Variants in LRRFIP2 observed in about 807,000 individuals in gnomAD.
LRRFIP2 encodes leucine-rich repeat flightless-interacting protein 2.
In LRRFIP2, 109 loss-of-function variants were observed where a neutral mutation model predicts 125.9. The ratio of observed to expected loss-of-function variants is 0.87; its 90% confidence interval spans 0.74 to 1.01. LRRFIP2 has a LOEUF of 1.01. LRRFIP2 is among the 50% of genes least tolerant of loss of function. The pLI is 0.00. For synonymous variants in LRRFIP2, 291 were observed against 293.1 expected (o/e 0.99, Z 0.07); for missense variants, 850 against 862.3 (o/e 0.99, Z 0.18).
intron 6 of LRRFIP2, among the ~76,000 whole-genome samples, chr3:37,117,657 G>GT (rs1333208467): frequency 6.6e-6 from 1 of 152,070 alleles, no homozygotes; most frequent in Non-Finnish European, 1.5e-5. Flanking sequence ...AATTTTAACT[G>GT]TCAAACTTGC....
At chr3:37,122,410 C>A (rs2095094343) in intron 4 of LRRFIP2, among the ~76,000 whole-genome samples, 1 of 151,714 alleles carries the variant, frequency 6.6e-6, no homozygotes, top group Non-Finnish European at 1.5e-5. Flanking sequence ...CAAGAGAGTT[C>A]AATATACCAA....
At chr3:37,126,469 C>T (rs1559964208) in intron 4 of LRRFIP2, among the ~76,000 whole-genome samples, 1 of 152,086 alleles carries the variant, frequency 6.6e-6, no homozygotes, top group East Asian at 1.9e-4. Context: ...TAGTCACTAC[C>T]TGAATTTTAA....
intron 1 of LRRFIP2, 125 bp from the exon 2 acceptor site, chr3:37,149,163 A>G (rs2095940435): frequency 1.6e-6 from 1 of 638,428 alleles, no homozygotes; most frequent in Non-Finnish European, 2.5e-6. Flanking sequence ...AAATTATTCC[A>G]ATAAATTTTA....
chr3:37,166,336 T>A (rs1276842687), intron 1 of LRRFIP2, among the ~76,000 whole-genome samples: 1 of 150,728 alleles, frequency 6.6e-6, no homozygotes, highest in Non-Finnish European at 1.5e-5. Flanking sequence ...TAAAATAACA[T>A]AACATAAAAT....
At position 37,055,172 on chromosome 3, in the gene LRRFIP2, CAGA is replaced by C. The variant is rs765970610; in HGVS notation, c.1871-10_1871-8del. The stretch of plus-strand genomic sequence containing the variant: ...ATTTGTCTATTGGCATCTCCTAGAA[CAGA>C]AGAAGACAATGAATTATCTTCACCT... On this transcript the variant is annotated splice_polypyrimidine_tract_variant and splice_region_variant and intron_variant, in intron 25 of 27. Coordinates refer to ENST00000336686, the MANE Select transcript of LRRFIP2 (RefSeq NM_006309.4). The C allele has an allele frequency of 1.2e-5, 18 of 1,541,620 alleles. No homozygotes were observed. The East Asian group carries it at 1.4e-4, about 12-fold the overall frequency.
chr3:37,097,029 G>A (rs955006535), intron 15 of LRRFIP2, among the ~76,000 whole-genome samples: 4 of 151,856 alleles, frequency 2.6e-5, no homozygotes, highest in African/African-American at 9.7e-5. Flanking sequence ...AACCAAAAGC[G>A]AAAAACTTTT....
At chr3:37,066,499 T>A (rs1429806151) in intron 21 of LRRFIP2, 174 bp from the exon 22 acceptor site, 2 of 597,648 alleles carry the variant, frequency 3.3e-6, no homozygotes. Flanking sequence ...GTTACATGGA[T>A]ATACATCTCC....
chr3:37,118,243 A>G (rs892005406), intron 6 of LRRFIP2, among the ~76,000 whole-genome samples: 1 of 152,078 alleles, frequency 6.6e-6, no homozygotes. Flanking sequence ...GTATTTATTT[A>G]TTTTTAGTAG....
chr3:37,142,584 T>G (rs1325924099), intron 2 of LRRFIP2, among the ~76,000 whole-genome samples: 1 of 152,132 alleles, frequency 6.6e-6, no homozygotes, highest in African/African-American at 2.4e-5. Flanking sequence ...AATAAAAATG[T>G]CTACAGTGAA....
chr3:37,132,664 T>C (rs1273430294), intron 2 of LRRFIP2, among the ~76,000 whole-genome samples: 1 of 152,216 alleles, frequency 6.6e-6, no homozygotes, highest in Non-Finnish European at 1.5e-5. Flanking sequence ...TGAAGCAACA[T>C]GGATAAGCAG....
intron 1 of LRRFIP2, among the ~76,000 whole-genome samples, chr3:37,158,531 T>C (rs572828369): frequency 4.0e-5 from 6 of 151,342 alleles, no homozygotes; most frequent in East Asian, 1.9e-4. Context: ...TGCTTGATCC[T>C]GGGAGGCAGA....
At chr3:37,123,287 C>T (rs111589983) in intron 4 of LRRFIP2, among the ~76,000 whole-genome samples, 96 of 152,246 alleles carry the variant, frequency 6.3e-4, no homozygotes, top group Non-Finnish European at 6.6e-4. Context: ...CTCCTGGATT[C>T]GAGCAATTCT....
At chr3:37,066,124 T>C in intron 22 of LRRFIP2, 100 bp downstream of exon 22, 1 of 1,324,352 alleles carries the variant, frequency 7.6e-7, no homozygotes, top group Non-Finnish European at 1.1e-6. Flanking sequence ...GAATAAACAC[T>C]GTAGTTTGTA....
At chr3:37,118,987 A>G (rs1227146264) in intron 6 of LRRFIP2, among the ~76,000 whole-genome samples, 1 of 152,204 alleles carries the variant, frequency 6.6e-6, no homozygotes, top group African/African-American at 2.4e-5. Context: ...TTTGATGAAA[A>G]CTTAGAACTC....
chr3:37,123,392 T>G (rs923487479), intron 4 of LRRFIP2, among the ~76,000 whole-genome samples: 3 of 152,206 alleles, frequency 2.0e-5, no homozygotes, highest in Non-Finnish European at 4.4e-5. Context: ...TTTCGCCATG[T>G]TGGCCAGGCT....
chr3:37,135,028 C>T lies in LRRFIP2; in HGVS notation c.91-5879G>A. 8 of 1,461,900 alleles carry T rather than the reference C, an allele frequency of 5.5e-6. No individual in the cohort carries two copies. In the South Asian group the frequency reaches 9.1e-5, roughly 17 times the overall value. The allele number at this position is 1,461,900 out of a possible 1,614,324, so 90.6% of individuals were successfully genotyped here. A position where few individuals can be genotyped will look rare whatever the true frequency, so the allele number is the denominator to read the frequency against. The stretch of plus-strand genomic sequence containing the variant: ...CAGATGACCCCCTAGTGCCAGAGAG[C>T]ACACGGATCCATAAAATAGACAGAC... On this transcript the variant is annotated intron_variant, in intron 2 of 27. Transcript: ENST00000336686.
chr3:37,149,084 A>G (rs2095937894), intron 1 of LRRFIP2, 46 bp from the exon 2 acceptor site: 1 of 1,477,750 alleles, frequency 6.8e-7, no homozygotes, highest in Non-Finnish European at 9.1e-7. Flanking sequence ...TCTTTGTGCA[A>G]TTTTCATGCT....
chr3:37,109,155 A>T (rs78170125), intron 11 of LRRFIP2, among the ~76,000 whole-genome samples: 2,320 of 152,320 alleles, frequency 0.015, 28 homozygotes, highest in Non-Finnish European at 0.025. Flanking sequence ...TTTTCTAGTC[A>T]GCTTGCTTTA....
intron 18 of LRRFIP2, among the ~76,000 whole-genome samples, chr3:37,086,029 A>G (rs912930774): frequency 5.3e-5 from 8 of 152,218 alleles, no homozygotes; most frequent in Admixed American, 5.2e-4. Flanking sequence ...ACTCAACAAT[A>G]AAGGACACAC....
Sources: gnomAD v4.1 joint callset for allele counts (sites outside exome capture counted in the v4.1 genomes callset) on GRCh38, gnomAD v4.1.1 for gene constraint, MANE v1.5 for transcripts, NCBI Gene and HGNC (gene_info 2026-07-23, HGNC 2026-07-21) for gene names.